PRKCE: variants seen among roughly 807,000 people sequenced by gnomAD.
PRKCE encodes protein kinase C epsilon type.
In PRKCE, 16 loss-of-function variants were observed where a neutral mutation model predicts 85.4. The observed-to-expected ratio is 0.19, with a 90% CI of 0.13 to 0.28. PRKCE has a LOEUF of 0.28. Among genes scored for constraint, PRKCE ranks in the 10% least tolerant of loss-of-function variants. The pLI is 1.00. For missense variants in PRKCE, 573 were observed against 975.2 expected (o/e 0.59, Z 5.49); for synonymous variants, 388 against 371.5 (o/e 1.04, Z -0.51).
chr2:45,986,803 G>A (rs144802347), intron 6 of PRKCE, among the ~76,000 whole-genome samples: 10 of 152,198 alleles, frequency 6.6e-5, no homozygotes, highest in Middle Eastern at 3.4e-3. Context: ...AGGTGGGGGC[G>A]GAGCCATTCC....
chr2:46,151,705 T>C (rs1676652095), intron 13 of PRKCE, among the ~76,000 whole-genome samples: 1 of 152,234 alleles, frequency 6.6e-6, no homozygotes, highest in African/African-American at 2.4e-5. Flanking sequence ...ACAGCATCAC[T>C]GTGGCTCAAG....
At chr2:46,094,993 T>C (rs1266905214) in intron 11 of PRKCE, among the ~76,000 whole-genome samples, 2 of 152,224 alleles carry the variant, frequency 1.3e-5, no homozygotes, top group Non-Finnish European at 2.9e-5. Context: ...AATGATGCGA[T>C]ATAGGTCTGT....
chr2:45,951,093 T>C (rs528566700), intron 2 of PRKCE, among the ~76,000 whole-genome samples: 1 of 152,332 alleles, frequency 6.6e-6, no homozygotes, highest in South Asian at 2.1e-4. Context: ...GTAAAGCCAG[T>C]GTTCAAACAC....
intron 11 of PRKCE, among the ~76,000 whole-genome samples, chr2:46,140,493 GA>G (rs1675407641): frequency 6.6e-6 from 1 of 152,162 alleles, no homozygotes; most frequent in Non-Finnish European, 1.5e-5. Flanking sequence ...AGTGAAGTTG[GA>G]TATGGATCAC....
At chr2:45,980,537 G>C (rs933985264) in intron 5 of PRKCE, among the ~76,000 whole-genome samples, 156 bp downstream of exon 5, 34 of 152,300 alleles carry the variant, frequency 2.2e-4, no homozygotes, top group Middle Eastern at 3.4e-3. Context: ...CGGTCTTCTG[G>C]CATGAGACAC....
chr2:45,965,358 G>A (rs942433949), intron 2 of PRKCE, among the ~76,000 whole-genome samples: 6 of 152,192 alleles, frequency 3.9e-5, no homozygotes, highest in African/African-American at 1.4e-4. Context: ...AAAAGGCACG[G>A]CTGCTTTGAT....
At chr2:45,760,026 C>A (rs914467889) in intron 1 of PRKCE, among the ~76,000 whole-genome samples, 1 of 152,150 alleles carries the variant, frequency 6.6e-6, no homozygotes, top group African/African-American at 2.4e-5. Flanking sequence ...AAAGCAGATG[C>A]ATTTGAAAGT....
At chr2:45,904,361 C>T (rs187079662) in intron 2 of PRKCE, among the ~76,000 whole-genome samples, 2 of 152,098 alleles carry the variant, frequency 1.3e-5, no homozygotes, top group South Asian at 2.1e-4. Flanking sequence ...GGGGGTGGCA[C>T]GTGCCCATCC....
chr2:45,675,272 A>G (rs1479758336), intron 1 of PRKCE: 1 of 152,306 alleles, frequency 6.6e-6, no homozygotes, highest in Non-Finnish European at 1.5e-5. Context: ...CGTGCCCCTT[A>G]GCACCTTAGC....
intron 2 of PRKCE, among the ~76,000 whole-genome samples, chr2:45,928,644 G>A (rs1325003738): frequency 6.6e-6 from 1 of 152,198 alleles, no homozygotes; most frequent in Non-Finnish European, 1.5e-5. Flanking sequence ...AGTAATGGTA[G>A]ATATTTTTAA....
chr2:45,720,463 A>C (rs576034170), intron 1 of PRKCE, among the ~76,000 whole-genome samples: 3 of 152,206 alleles, frequency 2.0e-5, no homozygotes, highest in African/African-American at 7.2e-5. Flanking sequence ...CAATACTGAA[A>C]TCATAAAGTT....
At chr2:45,923,220 A>G (rs191739178) in intron 2 of PRKCE, among the ~76,000 whole-genome samples, 22 of 152,352 alleles carry the variant, frequency 1.4e-4, no homozygotes, top group African/African-American at 4.6e-4. Context: ...AAAGTCTTCT[A>G]GAAAATACAG....
chr2:45,806,583 C>T (rs1019055678), intron 1 of PRKCE, among the ~76,000 whole-genome samples: 5 of 152,172 alleles, frequency 3.3e-5, no homozygotes, highest in African/African-American at 7.2e-5. Context: ...ACAGCAACCC[C>T]CATTCCCCTC....
intron 6 of PRKCE, 26 bp downstream of exon 6, chr2:45,984,706 A>C: frequency 6.3e-7 from 1 of 1,585,908 alleles, no homozygotes; most frequent in African/African-American, 1.3e-5. Flanking sequence ...CCCTGCCCTC[A>C]GCCCCTGCAT....
rs137878070 is a variant in PRKCE at position 45,810,332 on chromosome 2, C to T, written c.349-32668C>T. On this transcript the variant is annotated intron_variant, in intron 1 of 14. Coordinates refer to ENST00000306156, the MANE Select transcript of PRKCE (RefSeq NM_005400.3). Reference sequence around the variant, plus strand: ...CTGGGATTACAGGCGTGAACCACCGCGCCCAGCCAAAGGATAACTTTTTAA... The same window carrying T: ...CTGGGATTACAGGCGTGAACCACCGTGCCCAGCCAAAGGATAACTTTTTAA... Among the ~76,000 whole-genome samples the T allele has an allele frequency of 5.9e-3, 892 of 152,202 alleles. 7 individuals carry two copies. The highest frequency in any genetic ancestry group is 0.019 in the African/African-American group (771 of 41,538).
intron 1 of PRKCE, among the ~76,000 whole-genome samples, chr2:45,654,738 C>T (rs1675299929): frequency 6.6e-6 from 1 of 152,188 alleles, no homozygotes; most frequent in African/African-American, 2.4e-5. Context: ...AGCAGTGGAG[C>T]AGGTTCAGAA....
intron 2 of PRKCE, among the ~76,000 whole-genome samples, chr2:45,973,041 G>T (rs1702207626): frequency 6.6e-6 from 1 of 152,174 alleles, no homozygotes; most frequent in Non-Finnish European, 1.5e-5. Context: ...GTGTGGTACT[G>T]GCATAAAAAC....
In PRKCE at chr2:46,185,076, C is replaced by T. The variant is rs987744815; in HGVS notation, c.*195C>T. The T allele has an allele frequency of 1.1e-5, 7 of 665,200 alleles. No individual in the cohort carries two copies. Among genetic ancestry groups the T allele is most frequent in the Non-Finnish European group, 1.3e-5 (5 of 399,280 alleles). The allele number at this position is 665,200 out of a possible 1,614,324, so 41.2% of individuals were successfully genotyped here. Reference sequence around the variant, plus strand: ...CCACCTGGTGACCAGAAGGCGCTCTCGGTTCTTGTCTCACCAGTAATGCAG... The same window carrying T: ...CCACCTGGTGACCAGAAGGCGCTCTTGGTTCTTGTCTCACCAGTAATGCAG... On this transcript the variant is annotated 3_prime_UTR_variant, in exon 15 of 15. Transcript: ENST00000306156. The surrounding 1 kb of genome is among the most constrained non-coding windows in gnomAD (Gnocchi z 4.7).
intron 10 of PRKCE, among the ~76,000 whole-genome samples, chr2:46,026,996 G>A (rs1036941783): frequency 1.3e-5 from 2 of 152,104 alleles, no homozygotes; most frequent in African/African-American, 4.8e-5. Flanking sequence ...GTGAGACCCT[G>A]TCTCTACAAA....
Sources: gnomAD v4.1 joint callset for allele counts (sites outside exome capture counted in the v4.1 genomes callset) on GRCh38, gnomAD v4.1.1 for gene constraint, Gnocchi (gnomAD v3.1) non-coding constraint, MANE v1.5 for transcripts, NCBI Gene and HGNC (gene_info 2026-07-23, HGNC 2026-07-21) for gene names.